The following VWA8 variants were observed in gnomAD, a reference collection of about 807,000 sequenced individuals.
VWA8 encodes the protein von Willebrand factor A domain containing 8, also known as von Willebrand factor A domain-containing protein 8.
VWA8 carries 221 observed loss-of-function variants against 241.5 expected under a neutral mutation model. The ratio of observed to expected loss-of-function variants is 0.91; its 90% CI spans 0.82 to 1.02. The LOEUF (loss-of-function observed/expected upper bound fraction) is 1.02. Among genes scored for constraint, VWA8 ranks in the 50% least tolerant of loss-of-function variants. The pLI is 0.00. For missense variants in VWA8, 2,322 were observed against 2,328.7 expected, an observed-to-expected ratio of 1.00 and a Z score of 0.06; for synonymous variants, 852 against 827.1, an observed-to-expected ratio of 1.03 and a Z score of -0.52.
intron 39 of VWA8, among the ~76,000 whole-genome samples, chr13:41,611,185 C>A (rs193149617): frequency 1.1e-3 from 168 of 152,266 alleles, no homozygotes; most frequent in African/African-American, 3.8e-3. Context: ...GAGGGGACAG[C>A]CTCCGCACCC....
chr13:41,639,609 T>C (rs1157920557), intron 37 of VWA8, among the ~76,000 whole-genome samples: 4 of 152,232 alleles, frequency 2.6e-5, no homozygotes, highest in African/African-American at 9.6e-5. Context: ...ATAAATCTTA[T>C]GTCAAAGAAG....
At chr13:41,683,503 A>G (rs186908593) in intron 35 of VWA8, among the ~76,000 whole-genome samples, 147 of 152,296 alleles carry the variant, frequency 9.7e-4, no homozygotes, top group African/African-American at 3.2e-3. Flanking sequence ...AAACTCTTCT[A>G]TATCAAGTGT....
chr13:41,788,745 A>G (rs889727846), intron 17 of VWA8, among the ~76,000 whole-genome samples: 1 of 152,224 alleles, frequency 6.6e-6, no homozygotes. Flanking sequence ...CACAAACCAG[A>G]GGCTGGCTTG....
chr13:41,746,317 T>C (rs1200952479), intron 21 of VWA8, among the ~76,000 whole-genome samples: 1 of 152,180 alleles, frequency 6.6e-6, no homozygotes, highest in Non-Finnish European at 1.5e-5. Context: ...GTTCTCAAGC[T>C]CCTTAAGCTT....
chr13:41,841,512 T>A (rs958631902), intron 12 of VWA8, among the ~76,000 whole-genome samples: 29 of 151,606 alleles, frequency 1.9e-4, no homozygotes, highest in Admixed American at 5.9e-4. Context: ...GTAGGCCGGG[T>A]GCGGTGGCTC....
chr13:41,768,089 G>A (rs1218458258), intron 20 of VWA8, among the ~76,000 whole-genome samples: 1 of 152,206 alleles, frequency 6.6e-6, no homozygotes, highest in African/African-American at 2.4e-5. Flanking sequence ...AAATAAAAAT[G>A]AGTGCCACTG....
At chr13:41,872,447 G>A (rs1450588407) in intron 9 of VWA8, among the ~76,000 whole-genome samples, 28 of 152,146 alleles carry the variant, frequency 1.8e-4, no homozygotes, top group South Asian at 1.4e-3. Flanking sequence ...TAGGTCTAAC[G>A]TTTAAGTCTT....
intron 2 of VWA8, among the ~76,000 whole-genome samples, chr13:41,933,163 C>T (rs1221346052): frequency 6.6e-6 from 1 of 151,788 alleles, no homozygotes. Flanking sequence ...GATTAGTATA[C>T]AAAAATCAAC....
intron 21 of VWA8, among the ~76,000 whole-genome samples, chr13:41,737,355 T>A (rs1485574083): frequency 1.3e-5 from 2 of 152,284 alleles, no homozygotes; most frequent in East Asian, 3.9e-4. Flanking sequence ...TTATCACTAA[T>A]AAAATAGAGT....
At chr13:41,886,955 C>T in intron 6 of VWA8, 125 bp from the exon 7 acceptor site, 1 of 875,702 alleles carries the variant, frequency 1.1e-6, no homozygotes, top group Non-Finnish European at 1.7e-6. Flanking sequence ...AGCAAAAAAT[C>T]ATTTATTGAT....
rs760226748 is a variant in VWA8, at chr13:41,816,699, G to C, written c.1946C>G (p.Thr649Arg). 6 of 1,612,986 alleles carry C rather than the reference G, an allele frequency of 3.7e-6. No individual in the cohort carries two copies. In the Admixed American group the frequency reaches 1.0e-4, roughly 27 times the overall value. ...CCTGTGGAAAAAGCCTAGACTTACC[G>C]TTGGATCCTGTGTTTCTCTGAGTTT... ...THKLRETQDP[T>R]AQSLAASLST... Residue 649 changes from threonine to arginine, a missense_variant and splice_region_variant, in exon 16 of 45, where the codon ACG (threonine) becomes AGG (arginine). Transcript: ENST00000379310.
intron 19 of VWA8, among the ~76,000 whole-genome samples, chr13:41,782,532 A>T (rs956496656): frequency 5.9e-5 from 9 of 152,072 alleles, no homozygotes; most frequent in Non-Finnish European, 1.0e-4. Context: ...TCATTTGTTT[A>T]CTGATTGTGC....
At chr13:41,864,185 A>G (rs1476723524) in intron 12 of VWA8, among the ~76,000 whole-genome samples, 1 of 151,988 alleles carries the variant, frequency 6.6e-6, no homozygotes, top group Non-Finnish European at 1.5e-5. Flanking sequence ...GGGAGGATGT[A>G]GAATAATTGG....
chr13:41,918,931 T>C (rs1289051901), intron 2 of VWA8, among the ~76,000 whole-genome samples: 1 of 152,188 alleles, frequency 6.6e-6, no homozygotes, highest in Admixed American at 6.5e-5. Flanking sequence ...TAAAAAGATC[T>C]TTGGAAAATC....
intron 21 of VWA8, among the ~76,000 whole-genome samples, chr13:41,740,142 A>G (rs2137877064): frequency 1.3e-5 from 2 of 152,200 alleles, no homozygotes; most frequent in Non-Finnish European, 2.9e-5. Flanking sequence ...GGAGTGAGCC[A>G]CCACACCCAG....
At chr13:41,797,613 T>C (rs1869764201) in intron 17 of VWA8, among the ~76,000 whole-genome samples, 1 of 152,208 alleles carries the variant, frequency 6.6e-6, no homozygotes, top group Non-Finnish European at 1.5e-5. Flanking sequence ...TCATACAGTG[T>C]TCCTTCTTAG....
chr13:41,862,082 C>G (rs1470268844), intron 12 of VWA8, among the ~76,000 whole-genome samples: 1 of 152,152 alleles, frequency 6.6e-6, no homozygotes, highest in Non-Finnish European at 1.5e-5. Context: ...CAGCATGATA[C>G]TGGTACAAAA....
intron 20 of VWA8, among the ~76,000 whole-genome samples, chr13:41,770,452 A>G (rs1044344259): frequency 6.6e-6 from 1 of 151,484 alleles, no homozygotes; most frequent in Admixed American, 6.6e-5. Flanking sequence ...AAAAAAAAAA[A>G]AAAAAGAAAA....
At chr13:41,932,870 A>G (rs1454916860) in intron 2 of VWA8, among the ~76,000 whole-genome samples, 1 of 151,990 alleles carries the variant, frequency 6.6e-6, no homozygotes, top group Non-Finnish European at 1.5e-5. Flanking sequence ...TTAAAAATGA[A>G]AGACTAAAAA....
Sources: allele counts gnomAD v4.1 joint callset (sites outside exome capture counted in the v4.1 genomes callset), GRCh38; gene constraint gnomAD v4.1.1; transcripts MANE v1.5; gene names NCBI Gene and HGNC (gene_info 2026-07-23, HGNC 2026-07-21).